Variants in SEZ6L observed in about 807,000 individuals in gnomAD.
SEZ6L encodes seizure 6-like protein.
In SEZ6L, 37 loss-of-function variants were observed where a neutral mutation model predicts 106.2. The observed-to-expected ratio is 0.35, with a 90% CI of 0.27 to 0.46. The LOEUF is 0.46. Among genes scored for constraint, SEZ6L ranks in the 20% least tolerant of loss-of-function variants. The probability of loss-of-function intolerance (pLI) is 1.00; values close to 1 mark genes in which losing one functional copy is unlikely to be tolerated. For missense variants in SEZ6L, 1,172 were observed against 1,332.8 expected (o/e 0.88, Z 1.88); for synonymous variants, 541 against 570.4 (o/e 0.95, Z 0.73).
In SEZ6L at chr22:26,242,981, TTCTGAGGGCAAA is replaced by T. The variant is rs374781153; in HGVS notation, c.95-49420_95-49409del. ...CAGCAAGGTTGATTCCTTCTGGAGG[TTCTGAGGGCAAA>T]TCTGTTCCGTATCTTTGTTTCTGGT... On this transcript the variant is annotated intron_variant, in intron 1 of 16. Transcript: ENST00000248933. The T allele has an allele frequency of 3.0e-4, 45 of 152,198 alleles. 2 individuals carry two copies. The highest frequency in any genetic ancestry group is 9.9e-4 in the African/African-American group (41 of 41,516). 9.4% of individuals were successfully genotyped at this position (152,198 alleles called of 1,614,324 possible). A position where few individuals can be genotyped will look rare whatever the true frequency, so the allele number is the denominator to read the frequency against.
chr22:26,312,281 C>T (rs567243972), intron 8 of SEZ6L, among the ~76,000 whole-genome samples: 32 of 152,362 alleles, frequency 2.1e-4, no homozygotes, highest in Admixed American at 5.9e-4. Flanking sequence ...GCACAACCCA[C>T]GCAATAACCT....
chr22:26,259,510 G>C (rs1333428957), intron 1 of SEZ6L, among the ~76,000 whole-genome samples: 1 of 152,152 alleles, frequency 6.6e-6, no homozygotes. Flanking sequence ...TGATCGGTAA[G>C]AGGCAAAAAC....
At chr22:26,179,675 G>T (rs777688056) in intron 1 of SEZ6L, among the ~76,000 whole-genome samples, 1 of 152,174 alleles carries the variant, frequency 6.6e-6, no homozygotes, top group Non-Finnish European at 1.5e-5. Flanking sequence ...TTTGCTCTAA[G>T]GACACTGCAA....
intron 1 of SEZ6L, among the ~76,000 whole-genome samples, chr22:26,256,277 C>G (rs552220094): frequency 6.6e-6 from 1 of 152,198 alleles, no homozygotes; most frequent in Non-Finnish European, 1.5e-5. Context: ...AATATGGGTA[C>G]AAGGAGATAA....
At chr22:26,212,007 G>A (rs929020316) in intron 1 of SEZ6L, among the ~76,000 whole-genome samples, 1 of 152,018 alleles carries the variant, frequency 6.6e-6, no homozygotes, top group Non-Finnish European at 1.5e-5. Context: ...CCTGATGGCT[G>A]GGAAAGATTT....
intron 5 of SEZ6L, among the ~76,000 whole-genome samples, chr22:26,302,899 C>G (rs985832): frequency 1.3e-5 from 2 of 152,204 alleles, no homozygotes; most frequent in African/African-American, 4.8e-5. Flanking sequence ...CAGAGCCCCC[C>G]ACCAGGGACA....
At chr22:26,301,502 G>A (rs147979740) in intron 5 of SEZ6L, among the ~76,000 whole-genome samples, 31 of 152,338 alleles carry the variant, frequency 2.0e-4, no homozygotes, top group African/African-American at 7.5e-4. Context: ...AACAGATTGT[G>A]TTAAGGACCA....
At chr22:26,321,230 G>A (rs891286370) in intron 9 of SEZ6L, among the ~76,000 whole-genome samples, 1 of 152,234 alleles carries the variant, frequency 6.6e-6, no homozygotes, top group African/African-American at 2.4e-5. Context: ...AGTAAACTGA[G>A]GCTCGGGGTG....
chr22:26,240,952 C>T (rs1569410886), intron 1 of SEZ6L, among the ~76,000 whole-genome samples: 1 of 152,118 alleles, frequency 6.6e-6, no homozygotes, highest in African/African-American at 2.4e-5. Flanking sequence ...ACCCCCAGCA[C>T]AAAGCATTTG....
chr22:26,361,756 A>T (rs2083643699), intron 12 of SEZ6L, among the ~76,000 whole-genome samples: 1 of 152,046 alleles, frequency 6.6e-6, no homozygotes, highest in Non-Finnish European at 1.5e-5. Context: ...TACAACTAGG[A>T]TGTGCATCCT....
intron 1 of SEZ6L, among the ~76,000 whole-genome samples, chr22:26,217,948 G>A (rs561388234): frequency 2.0e-5 from 3 of 152,330 alleles, no homozygotes; most frequent in South Asian, 4.1e-4. Context: ...ACAGACACAG[G>A]CTCCCTCTGC....
intron 1 of SEZ6L, among the ~76,000 whole-genome samples, chr22:26,219,010 G>A (rs1032936362): frequency 6.6e-5 from 10 of 152,150 alleles, no homozygotes; most frequent in East Asian, 3.8e-4. Flanking sequence ...TGGTCCCCCT[G>A]AAGAGTCATA....
At chr22:26,377,992 T>A (rs1034548249) in intron 16 of SEZ6L, among the ~76,000 whole-genome samples, 4 of 151,956 alleles carry the variant, frequency 2.6e-5, no homozygotes, top group South Asian at 2.1e-4. Context: ...GGCTGATTAC[T>A]GTCAGCAGAA....
At chr22:26,299,206 C>A in intron 5 of SEZ6L, 37 bp downstream of exon 5, 1 of 1,340,368 alleles carries the variant, frequency 7.5e-7, no homozygotes, top group Non-Finnish European at 9.6e-7. Context: ...ACCTGATGGT[C>A]CAACTAAGAG....
intron 13 of SEZ6L, among the ~76,000 whole-genome samples, chr22:26,370,276 T>C (rs1601639072): frequency 6.6e-6 from 1 of 151,910 alleles, no homozygotes; most frequent in East Asian, 1.9e-4. Flanking sequence ...TCCCAGCTAC[T>C]CAGGAGGCTG....
intron 1 of SEZ6L, among the ~76,000 whole-genome samples, chr22:26,219,288 A>G (rs969953844): frequency 6.8e-6 from 1 of 147,862 alleles, no homozygotes; most frequent in Non-Finnish European, 1.5e-5. Context: ...GGCAAATATC[A>G]GTAGGAAAGC....
At chr22:26,369,872 C>G (rs2083966527) in intron 13 of SEZ6L, among the ~76,000 whole-genome samples, 2 of 152,104 alleles carry the variant, frequency 1.3e-5, no homozygotes, top group South Asian at 4.1e-4. Flanking sequence ...CCACCTCAGC[C>G]TCCCAAAGTG....
In SEZ6L at chr22:26,291,613, T is replaced by A. The variant is rs796103391; in HGVS notation, c.95-793T>A. Among the ~76,000 whole-genome samples the A allele has an allele frequency of 5.3e-5, 8 of 152,104 alleles. 1 individual carries two copies. The highest frequency in any genetic ancestry group is 1.7e-4 in the African/African-American group (7 of 41,490). On this transcript the variant is annotated intron_variant, in intron 1 of 16. Coordinates refer to ENST00000248933, the MANE Select transcript of SEZ6L (RefSeq NM_021115.5). ...AGAACTTAAAATTAAAATTTAAATT[T>A]AAAAAAACTCTCCTCCCCCATCCCC...
intron 1 of SEZ6L, among the ~76,000 whole-genome samples, chr22:26,246,574 A>G (rs2079354511): frequency 6.6e-6 from 1 of 151,338 alleles, no homozygotes; most frequent in Admixed American, 6.6e-5. Flanking sequence ...GCCCAAAGGA[A>G]AAAAAAAAGG....
Sources: gnomAD v4.1 joint callset for allele counts (sites outside exome capture counted in the v4.1 genomes callset) on GRCh38, gnomAD v4.1.1 for gene constraint, MANE v1.5 for transcripts, NCBI Gene and HGNC (gene_info 2026-07-23, HGNC 2026-07-21) for gene names.